FRMD4B: variants seen among roughly 807,000 people sequenced by gnomAD.
FRMD4B encodes the protein FERM domain containing 4B, also known as FERM domain-containing protein 4B.
Under a neutral mutation model 141.5 loss-of-function variants are expected in FRMD4B, and 74 were observed. The ratio of observed to expected loss-of-function variants is 0.52; its 90% CI spans 0.43 to 0.63. The LOEUF (loss-of-function observed/expected upper bound fraction) is 0.63. Among genes scored for constraint, FRMD4B ranks in the 30% least tolerant of loss-of-function variants. FRMD4B has a pLI of 0.00. For missense variants in FRMD4B, 1,366 were observed against 1,253.4 expected (o/e 1.09, Z -1.36); for synonymous variants, 506 against 467.9 (o/e 1.08, Z -1.05).
chr3:69,406,640 G>A (rs1704654281), intron 2 of FRMD4B, among the ~76,000 whole-genome samples: 1 of 152,154 alleles, frequency 6.6e-6, no homozygotes, highest in Non-Finnish European at 1.5e-5. Flanking sequence ...CAGTCTTGTG[G>A]CAGCAAACAT....
At chr3:69,403,243 T>C (rs1460697094) in intron 2 of FRMD4B, among the ~76,000 whole-genome samples, 2 of 152,218 alleles carry the variant, frequency 1.3e-5, no homozygotes, top group African/African-American at 4.8e-5. Context: ...CTTCCTGATA[T>C]TCCTTAGAAA....
intron 2 of FRMD4B, among the ~76,000 whole-genome samples, chr3:69,427,262 A>G (rs1187383511): frequency 1.3e-5 from 2 of 148,150 alleles, no homozygotes; most frequent in Non-Finnish European, 3.0e-5. Context: ...TACTATATAA[A>G]TATAATATAT....
intron 2 of FRMD4B, among the ~76,000 whole-genome samples, chr3:69,414,387 C>A (rs957209313): frequency 2.0e-5 from 3 of 152,184 alleles, no homozygotes; most frequent in Non-Finnish European, 4.4e-5. Flanking sequence ...TGCTTCCCCT[C>A]GCTTTTTACA....
chr3:69,510,165 T>C (rs1706666771), intron 1 of FRMD4B, among the ~76,000 whole-genome samples: 1 of 152,056 alleles, frequency 6.6e-6, no homozygotes, highest in Non-Finnish European at 1.5e-5. Context: ...TGGGATTAAA[T>C]TACATAATCC....
intron 1 of FRMD4B, among the ~76,000 whole-genome samples, chr3:69,326,431 A>G (rs1372597147): frequency 6.6e-6 from 1 of 152,180 alleles, no homozygotes; most frequent in Admixed American, 6.5e-5. Flanking sequence ...CATATGTCCA[A>G]ATCTGGGGAA....
At chr3:69,364,873 TAAA>T (rs202210480) in intron 1 of FRMD4B, among the ~76,000 whole-genome samples, 31,357 of 151,730 alleles carry the variant, frequency 0.21, 3,929 homozygotes, top group African/African-American at 0.36. Flanking sequence ...CTTGTTTTTT[TAAA>T]AAAATAAATA....
chr3:69,222,156 T>C (rs561752674), intron 8 of FRMD4B, among the ~76,000 whole-genome samples: 2 of 152,132 alleles, frequency 1.3e-5, no homozygotes, highest in East Asian at 1.9e-4. Context: ...ATTTATATAA[T>C]ATATATATTA....
rs370595698 is a variant in FRMD4B at position 69,293,632 on chromosome 3, A to G, written c.417-5796T>C. Among the ~76,000 whole-genome samples, 36 of 152,138 alleles carry G rather than the reference A, an allele frequency of 2.4e-4. 1 individual carries two copies. Among genetic ancestry groups the G allele is most frequent in the African/African-American group, 7.5e-4 (31 of 41,552 alleles). ...GGCGCGGCTCATGCCAGTAATCCCA[A>G]CATTTTGGGAGGCCAAGGCAGGCAG... On this transcript the variant is annotated intron_variant, in intron 4 of 22. Coordinates refer to ENST00000398540, the MANE Select transcript of FRMD4B (RefSeq NM_015123.3).
intron 11 of FRMD4B, among the ~76,000 whole-genome samples, chr3:69,215,661 T>C (rs1189513937): frequency 6.6e-6 from 1 of 151,998 alleles, no homozygotes; most frequent in Non-Finnish European, 1.5e-5. Flanking sequence ...CTGCAGAAAA[T>C]GGTGAAACAG....
chr3:69,523,825 A>AATGAAGAC (rs1333001291), intron 1 of FRMD4B, among the ~76,000 whole-genome samples: 4 of 152,150 alleles, frequency 2.6e-5, no homozygotes, highest in African/African-American at 9.7e-5. Flanking sequence ...AAATGCTGAC[A>AATGAAGAC]ATGAAGACAT....
intron 1 of FRMD4B, among the ~76,000 whole-genome samples, chr3:69,454,286 A>T (rs1298975378): frequency 6.6e-6 from 1 of 152,260 alleles, no homozygotes; most frequent in Non-Finnish European, 1.5e-5. Context: ...GCGTGCTGGC[A>T]GCCCTCGCTT....
intron 5 of FRMD4B, among the ~76,000 whole-genome samples, chr3:69,266,872 G>T (rs994494349): frequency 2.0e-5 from 3 of 152,130 alleles, no homozygotes; most frequent in Non-Finnish European, 2.9e-5. Flanking sequence ...CAAAGGAAAA[G>T]GTGACTTCAG....
At chr3:69,498,904 A>G (rs1360861914) in intron 1 of FRMD4B, among the ~76,000 whole-genome samples, 1 of 152,196 alleles carries the variant, frequency 6.6e-6, no homozygotes, top group African/African-American at 2.4e-5. Context: ...TAAATTTCCT[A>G]CTGTCATGAA....
At chr3:69,194,283 C>T (rs60770504) in intron 16 of FRMD4B, among the ~76,000 whole-genome samples, 7,444 of 152,216 alleles carry the variant, frequency 0.049, 558 homozygotes, top group East Asian at 0.28. Flanking sequence ...CTTCATCTTT[C>T]AATGCTTCAG....
At chr3:69,211,591 G>A (rs1180472776) in intron 11 of FRMD4B, among the ~76,000 whole-genome samples, 2 of 152,178 alleles carry the variant, frequency 1.3e-5, no homozygotes, top group Non-Finnish European at 2.9e-5. Flanking sequence ...CAGCCTTTCG[G>A]CATCAGTTTT....
At chr3:69,439,599 T>C (rs9310153) in intron 1 of FRMD4B, among the ~76,000 whole-genome samples, 102,524 of 152,046 alleles carry the variant, frequency 0.67, 35,119 homozygotes, top group East Asian at 0.86. Context: ...CTTTGAGAAA[T>C]GCTGCTGATT....
chr3:69,343,294 G>T (rs892929535), intron 1 of FRMD4B, among the ~76,000 whole-genome samples: 3 of 152,146 alleles, frequency 2.0e-5, no homozygotes, highest in Non-Finnish European at 4.4e-5. Flanking sequence ...GCCCAGAGGG[G>T]AGGTCACTCA....
chr3:69,507,804 GCC>G (rs1424347173), intron 1 of FRMD4B, among the ~76,000 whole-genome samples: 2 of 151,942 alleles, frequency 1.3e-5, no homozygotes, highest in Non-Finnish European at 2.9e-5. Flanking sequence ...ACAGAACTAA[GCC>G]CTAAAAAAAA....
intron 4 of FRMD4B, among the ~76,000 whole-genome samples, chr3:69,293,880 C>CAAAAAAAA (rs10699871): frequency 2.7e-4 from 20 of 74,440 alleles, no homozygotes; most frequent in South Asian, 2.0e-3. Context: ...GATTCTGCCT[C>CAAAAAAAA]AAAAAAAAAA....
Sources: allele counts gnomAD v4.1 joint callset (sites outside exome capture counted in the v4.1 genomes callset), GRCh38; gene constraint gnomAD v4.1.1; transcripts MANE v1.5; gene names NCBI Gene and HGNC (gene_info 2026-07-23, HGNC 2026-07-21).